IGSF11: variants seen among roughly 807,000 people sequenced by gnomAD.
The protein encoded by IGSF11 is immunoglobulin superfamily member 11, also known as CXADR like 1.
Under a neutral mutation model 41.0 loss-of-function variants are expected in IGSF11, and 22 were observed. That is an observed-to-expected ratio of 0.54 (90% CI 0.38 to 0.77). The LOEUF is 0.77. Among genes scored for constraint, IGSF11 ranks in the 30% least tolerant of loss-of-function variants. The pLI is 0.00. For synonymous variants in IGSF11, 219 were observed against 201.3 expected (o/e 1.09, Z -0.74); for missense variants, 444 against 530.8 (o/e 0.84, Z 1.61).
chr3:119,131,771 G>A, intron 1 of IGSF11, among the ~76,000 whole-genome samples: 1 of 152,170 alleles, frequency 6.6e-6, no homozygotes, highest in East Asian at 1.9e-4. Flanking sequence ...AGGTTGAAAT[G>A]AAGGGAAAAA....
At chr3:119,114,625 C>A (rs1367882198) in intron 1 of IGSF11, among the ~76,000 whole-genome samples, 1 of 152,202 alleles carries the variant, frequency 6.6e-6, no homozygotes, top group Non-Finnish European at 1.5e-5. Context: ...ATTTTGGTTA[C>A]AATAGTTTAA....
intron 1 of IGSF11, chr3:119,112,723 A>C (rs2077197853): frequency 6.5e-6 from 1 of 153,890 alleles, no homozygotes; most frequent in Admixed American, 6.5e-5. Flanking sequence ...AGCTGTTCCT[A>C]TTCGGCCATC....
upstream of IGSF11, among the ~76,000 whole-genome samples, chr3:119,039,671 T>G (rs1941043113): frequency 6.6e-6 from 1 of 152,200 alleles, no homozygotes; most frequent in South Asian, 2.1e-4. Flanking sequence ...TTCCCCTTAG[T>G]CATTCTGCTG....
chr3:118,932,670 G>A (rs1942951285), intron 1 of IGSF11, among the ~76,000 whole-genome samples: 1 of 152,166 alleles, frequency 6.6e-6, no homozygotes, highest in African/African-American at 2.4e-5. Context: ...TACCTCATAA[G>A]GTAGAAATGG....
intron 1 of IGSF11, among the ~76,000 whole-genome samples, chr3:118,999,141 T>A (rs1936560643): frequency 1.3e-5 from 2 of 151,972 alleles, no homozygotes; most frequent in South Asian, 4.1e-4. Context: ...TAATGCCCTG[T>A]GGGGAAACAA....
At chr3:119,133,751 G>C (rs1013261144) in intron 1 of IGSF11, among the ~76,000 whole-genome samples, 1 of 152,178 alleles carries the variant, frequency 6.6e-6, no homozygotes, top group South Asian at 2.1e-4. Flanking sequence ...ACAAAAGCCT[G>C]GAAGAGACTC....
intron 1 of IGSF11, chr3:118,947,434 C>T (rs1232677557): frequency 2.0e-5 from 3 of 151,924 alleles, no homozygotes; most frequent in Non-Finnish European, 4.4e-5. Flanking sequence ...GTAAGACTGA[C>T]AACAAGAAAT....
At chr3:118,913,141 G>A (rs1940558620) in intron 4 of IGSF11, among the ~76,000 whole-genome samples, 1 of 151,214 alleles carries the variant, frequency 6.6e-6, no homozygotes, top group African/African-American at 2.4e-5. Flanking sequence ...ACACAGAAAG[G>A]TAAAGAAGGT....
chr3:118,980,913 T>C (rs1934647876), intron 1 of IGSF11, among the ~76,000 whole-genome samples: 2 of 152,210 alleles, frequency 1.3e-5, no homozygotes, highest in Admixed American at 1.3e-4. Context: ...GAAGTACATT[T>C]TAAGAAGTCA....
At chr3:118,971,383 A>C (rs955191332) in intron 1 of IGSF11, among the ~76,000 whole-genome samples, 2 of 152,250 alleles carry the variant, frequency 1.3e-5, no homozygotes, top group African/African-American at 4.8e-5. Flanking sequence ...TGCCAAAATA[A>C]GAAAACATAC....
chr3:118,983,748 A>T (rs1372920665), intron 1 of IGSF11, among the ~76,000 whole-genome samples: 1 of 152,200 alleles, frequency 6.6e-6, no homozygotes, highest in South Asian at 2.1e-4. Context: ...GAGCCTAAGC[A>T]ATTTTCCACT....
chr3:119,074,508 A>T (rs2076458877), intron 1 of IGSF11, among the ~76,000 whole-genome samples: 1 of 151,908 alleles, frequency 6.6e-6, no homozygotes, highest in Admixed American at 6.6e-5. Flanking sequence ...GGACACAGTT[A>T]AAGCAGTGTT....
chr3:118,924,475 A>G (rs1174033699), intron 4 of IGSF11, among the ~76,000 whole-genome samples: 1 of 152,182 alleles, frequency 6.6e-6, no homozygotes, highest in African/African-American at 2.4e-5. Flanking sequence ...TAAAAATATT[A>G]CCATTTAATG....
intron 4 of IGSF11, among the ~76,000 whole-genome samples, chr3:118,914,057 T>C (rs1341219999): frequency 6.6e-6 from 1 of 150,652 alleles, no homozygotes; most frequent in Non-Finnish European, 1.5e-5. Context: ...GAGAGTAGAG[T>C]TTTTTTTTAC....
intron 1 of IGSF11, among the ~76,000 whole-genome samples, chr3:118,994,175 C>T (rs1936053308): frequency 6.6e-6 from 1 of 152,126 alleles, no homozygotes. Context: ...ATATCTCAAG[C>T]ATTAATCTAG....
intron 1 of IGSF11, among the ~76,000 whole-genome samples, chr3:119,083,444 A>C (rs1466618637): frequency 6.6e-6 from 1 of 151,232 alleles, no homozygotes; most frequent in Non-Finnish European, 1.5e-5. Flanking sequence ...CTCCTTTCCT[A>C]TCCCTCCTGG....
At chr3:119,018,110 G>T (rs1230456381) in intron 1 of IGSF11, among the ~76,000 whole-genome samples, 1 of 152,066 alleles carries the variant, frequency 6.6e-6, no homozygotes, top group African/African-American at 2.4e-5. Flanking sequence ...CTTTGAATTT[G>T]ATAACACATT....
intron 1 of IGSF11, among the ~76,000 whole-genome samples, chr3:119,073,445 C>A (rs1285928529): frequency 4.6e-5 from 7 of 152,188 alleles, no homozygotes; most frequent in Non-Finnish European, 8.8e-5. Context: ...TGCCATGGTG[C>A]CATGGAGCAG....
chr3:119,034,654 T>C lies in IGSF11; in HGVS notation c.-72A>G. The C allele has an allele frequency of 6.8e-7, 1 of 1,478,174 alleles. No homozygotes were observed. Among genetic ancestry groups the C allele is most frequent in the Non-Finnish European group, 9.0e-7 (1 of 1,108,122 alleles). The allele number at this position is 1,478,174 out of a possible 1,614,324, so 91.6% of individuals were successfully genotyped here. On this transcript the variant is annotated 5_prime_UTR_variant, in exon 1 of 7. Coordinates refer to ENST00000393775, the MANE Select transcript of IGSF11 (RefSeq NM_001015887.3). ...GCAACAGGAGAGGAGCGGGCGTGAG[T>C]CTCCGCGCTCTTGGGGCAGCCTGGT... is the stretch of plus-strand genomic sequence containing the variant.
Sources: gnomAD v4.1 joint callset for allele counts (sites outside exome capture counted in the v4.1 genomes callset) on GRCh38, gnomAD v4.1.1 for gene constraint, MANE v1.5 for transcripts, NCBI Gene and HGNC (gene_info 2026-07-23, HGNC 2026-07-21) for gene names.